The following DOK6 variants were observed in gnomAD, a reference collection of about 807,000 sequenced individuals.
DOK6 encodes downstream of tyrosine kinase 6.
Under a neutral mutation model 44.0 loss-of-function variants are expected in DOK6, and 22 were observed. That is an observed-to-expected ratio of 0.50 (90% confidence interval 0.36 to 0.71). The LOEUF (loss-of-function observed/expected upper bound fraction) is 0.71, where lower values mean the gene tolerates loss of function less well. DOK6 is among the 30% of genes least tolerant of loss of function. The probability of loss-of-function intolerance (pLI) is 0.00; values close to 1 mark genes in which losing one functional copy is unlikely to be tolerated. For synonymous variants in DOK6, 166 were observed against 145.5 expected (o/e 1.14, Z -1.01); for missense variants, 340 against 416.4 (o/e 0.82, Z 1.60).
intron 3 of DOK6, among the ~76,000 whole-genome samples, chr18:69,651,726 T>C (rs1048101296): frequency 6.6e-5 from 10 of 152,076 alleles, no homozygotes; most frequent in Admixed American, 6.6e-4. Context: ...TGACCTCAAG[T>C]GATCTGCCTC....
intron 2 of DOK6, among the ~76,000 whole-genome samples, chr18:69,576,489 T>G (rs970401395): frequency 6.6e-6 from 1 of 152,126 alleles, no homozygotes; most frequent in Non-Finnish European, 1.5e-5. Flanking sequence ...AAGGATACAA[T>G]TATTTCTTTA....
At chr18:69,705,681 A>C (rs1049051509) in intron 5 of DOK6, among the ~76,000 whole-genome samples, 2 of 152,188 alleles carry the variant, frequency 1.3e-5, no homozygotes, top group African/African-American at 4.8e-5. Flanking sequence ...AAAAACATTA[A>C]GTGTCTGTCT....
chr18:69,644,586 G>T (rs554598693), intron 3 of DOK6, among the ~76,000 whole-genome samples: 1 of 151,998 alleles, frequency 6.6e-6, no homozygotes, highest in Non-Finnish European at 1.5e-5. Context: ...GTCTATTCTG[G>T]GTTCTCTATT....
intron 5 of DOK6, among the ~76,000 whole-genome samples, chr18:69,702,707 G>A (rs7235494): frequency 0.67 from 100,907 of 151,530 alleles, 33,996 homozygotes; most frequent in East Asian, 0.89. Context: ...AAACCTATGA[G>A]TGAATGTGGT....
rs1305708731 is a variant in DOK6, at chr18:69,841,307, A to G, written c.920A>G (p.Gln307Arg). The change falls in exon 8 of 8, where the codon CAG becomes CGG. Residue 307 changes from glutamine to arginine, a missense_variant. Physicochemically the swap from Gln to Arg is conservative, Grantham distance 43. This residue lies in a region of DOK6 where 112 missense variants were observed against 109.3 expected (regional missense o/e 1.02). Transcript: ENST00000382713. ...ACATTTCCCAGCTACGCCCCAGAAC[A>G]GAGTGAAGAGGCCCAGCAGCCGTTG... ...AQTFPSYAPE[Q>R]SEEAQQPLSR... is the part of the protein sequence containing the mutation. 1.2e-6 allele frequency: 2 copies of G among 1,614,174 alleles called. No individual in the cohort carries two copies. The highest frequency in any genetic ancestry group is 2.2e-5 in the East Asian group (1 of 44,872).
At chr18:69,676,702 CT>C (rs1282634036) in intron 3 of DOK6, among the ~76,000 whole-genome samples, 1 of 152,170 alleles carries the variant, frequency 6.6e-6, no homozygotes, top group African/African-American at 2.4e-5. Flanking sequence ...CCTGAGACCC[CT>C]TTTCAAATTT....
intron 1 of DOK6, among the ~76,000 whole-genome samples, chr18:69,432,463 TG>T (rs75662525): frequency 0.13 from 20,139 of 152,138 alleles, 1,677 homozygotes; most frequent in South Asian, 0.28. Context: ...GAAAAAAGTT[TG>T]CCATTCTAAT....
intron 4 of DOK6, among the ~76,000 whole-genome samples, chr18:69,687,987 A>G (rs906180829): frequency 1.3e-4 from 20 of 152,194 alleles, no homozygotes; most frequent in Non-Finnish European, 2.5e-4. Flanking sequence ...AGTGAATTCA[A>G]TGATGTTGCA....
Position 69,815,603 on chromosome 18 carries a change from G to GT in DOK6, c.857-25640dup, listed in dbSNP as rs1478847078. Among the ~76,000 whole-genome samples the GT allele has an allele frequency of 2.0e-5, 3 of 152,082 alleles. 1 individual carries two copies. Among genetic ancestry groups the GT allele is most frequent in the Admixed American group, 1.3e-4 (2 of 15,244 alleles). On this transcript the variant is annotated intron_variant, in intron 7 of 7. Coordinates refer to ENST00000382713, the MANE Select transcript of DOK6 (RefSeq NM_152721.6). The stretch of plus-strand genomic sequence containing the variant: ...TAAATAAAAGCAAATGAAATGACAA[G>GT]TAAGAGAAAATCTTATGATAACCAC...
chr18:69,448,205 C>A (rs1979351877), intron 1 of DOK6, among the ~76,000 whole-genome samples: 1 of 152,170 alleles, frequency 6.6e-6, no homozygotes, highest in African/African-American at 2.4e-5. Context: ...ATTAAACTTT[C>A]ACCAGATTGT....
intron 3 of DOK6, among the ~76,000 whole-genome samples, chr18:69,631,216 A>G (rs1392578336): frequency 1.3e-5 from 2 of 152,216 alleles, no homozygotes; most frequent in South Asian, 2.1e-4. Context: ...ATGAGAAGAC[A>G]TATTTGCTAA....
chr18:69,413,644 A>G (rs1978315753), intron 1 of DOK6, among the ~76,000 whole-genome samples: 1 of 152,048 alleles, frequency 6.6e-6, no homozygotes, highest in Non-Finnish European at 1.5e-5. Context: ...ACATAAAGCT[A>G]TAAAAAATTT....
At chr18:69,667,746 A>G (rs1316241203) in intron 3 of DOK6, among the ~76,000 whole-genome samples, 1 of 152,122 alleles carries the variant, frequency 6.6e-6, no homozygotes, top group African/African-American at 2.4e-5. Flanking sequence ...TGTTTCCCAA[A>G]TATCGAACTG....
At chr18:69,417,168 G>A (rs191384005) in intron 1 of DOK6, among the ~76,000 whole-genome samples, 3 of 151,932 alleles carry the variant, frequency 2.0e-5, no homozygotes, top group Non-Finnish European at 2.9e-5. Flanking sequence ...TCAAACACTA[G>A]ATCTTATCCT....
At chr18:69,603,662 G>T (rs12605932) in intron 3 of DOK6, among the ~76,000 whole-genome samples, 60,717 of 148,536 alleles carry the variant, frequency 0.41, 12,183 homozygotes, top group Middle Eastern at 0.52. Flanking sequence ...TCCCACATAC[G>T]TGAGAGGATG....
chr18:69,458,363 C>T (rs896595292), intron 1 of DOK6, among the ~76,000 whole-genome samples: 1 of 152,136 alleles, frequency 6.6e-6, no homozygotes, highest in Non-Finnish European at 1.5e-5. Context: ...TGATAATAGT[C>T]CTCAAAAGAC....
intron 1 of DOK6, among the ~76,000 whole-genome samples, chr18:69,411,161 T>C (rs774502811): frequency 2.7e-4 from 41 of 152,202 alleles, no homozygotes; most frequent in Middle Eastern, 6.8e-3. Flanking sequence ...AATTAAGAAG[T>C]GTTTGTTAAA....
chr18:69,416,847 A>G (rs989896920), intron 1 of DOK6, among the ~76,000 whole-genome samples: 1 of 152,160 alleles, frequency 6.6e-6, no homozygotes, highest in Non-Finnish European at 1.5e-5. Context: ...CACTGTTTCA[A>G]TGTACTGTTT....
intron 5 of DOK6, among the ~76,000 whole-genome samples, chr18:69,711,453 T>G (rs1986755264): frequency 6.6e-6 from 1 of 152,252 alleles, no homozygotes; most frequent in South Asian, 2.1e-4. Flanking sequence ...AAATTTTACT[T>G]TTCATGTTGA....
Sources: gnomAD v4.1 joint callset for allele counts (sites outside exome capture counted in the v4.1 genomes callset) on GRCh38, gnomAD v4.1.1 for gene constraint, gnomAD v4.1.1 regional missense constraint, MANE v1.5 for transcripts, NCBI Gene and HGNC (gene_info 2026-07-23, HGNC 2026-07-21) for gene names.